PRMT7: variants seen among roughly 807,000 people sequenced by gnomAD.
PRMT7 encodes the protein protein arginine N-methyltransferase 7.
PRMT7 carries 75 observed loss-of-function variants against 85.4 expected under a neutral mutation model. The observed-to-expected ratio is 0.88, with a 90% CI of 0.73 to 1.06. The LOEUF (loss-of-function observed/expected upper bound fraction) is 1.06. Ranked by LOEUF, PRMT7 falls within the 50% of genes least tolerant of loss-of-function variation. The probability of loss-of-function intolerance (pLI) is 0.00; values close to 1 mark genes in which losing one functional copy is unlikely to be tolerated. For synonymous variants in PRMT7, 397 were observed against 359.5 expected (o/e 1.10, Z -1.18); for missense variants, 868 against 915.2 (o/e 0.95, Z 0.67).
intron 6 of PRMT7, among the ~76,000 whole-genome samples, chr16:68,329,876 T>TACACACAC (rs6145876): frequency 0.019 from 2,820 of 148,792 alleles, 75 homozygotes; most frequent in African/African-American, 0.063. Context: ...TATGTATATG[T>TACACACAC]ACACACACAC....
At chr16:68,322,016 C>T (rs1013134056) in intron 4 of PRMT7, among the ~76,000 whole-genome samples, 7 of 151,484 alleles carry the variant, frequency 4.6e-5, no homozygotes, top group Admixed American at 3.9e-4. Flanking sequence ...GGCGAGATCT[C>T]GGCTCACTGC....
At chr16:68,331,791 T>A (rs778431462) in intron 6 of PRMT7, among the ~76,000 whole-genome samples, 1 of 152,240 alleles carries the variant, frequency 6.6e-6, no homozygotes, top group Non-Finnish European at 1.5e-5. Context: ...TGATATTGTA[T>A]TTTTTAATCT....
chr16:68,322,319 C>T (rs1356328178), intron 4 of PRMT7: 4 of 410,512 alleles, frequency 9.7e-6, no homozygotes, highest in Non-Finnish European at 2.0e-5. Flanking sequence ...CCAACCTCAG[C>T]CTTCCCAGTA....
chr16:68,356,293 G>A (rs1199452901), intron 17 of PRMT7, among the ~76,000 whole-genome samples: 6 of 152,224 alleles, frequency 3.9e-5, no homozygotes. Flanking sequence ...ACCCTCGCCC[G>A]AGGAGTGACT....
At chr16:68,320,661 T>A (rs2082380932) in intron 3 of PRMT7, among the ~76,000 whole-genome samples, 1 of 152,170 alleles carries the variant, frequency 6.6e-6, no homozygotes, top group Admixed American at 6.5e-5. Context: ...CAGAGATTTG[T>A]TTATGACCAG....
chr16:68,350,171 C>T (rs1380201339), intron 14 of PRMT7, among the ~76,000 whole-genome samples: 3 of 152,204 alleles, frequency 2.0e-5, no homozygotes, highest in Non-Finnish European at 4.4e-5. Context: ...CATTCATGTG[C>T]TTATGGACGT....
intron 9 of PRMT7, among the ~76,000 whole-genome samples, chr16:68,343,126 C>T (rs1488939705): frequency 6.6e-6 from 1 of 152,102 alleles, no homozygotes; most frequent in Admixed American, 6.5e-5. Context: ...ATCACTTCAA[C>T]CTGGGAGGTG....
intron 4 of PRMT7, chr16:68,323,998 G>A (rs1048978337): frequency 8.5e-5 from 13 of 152,184 alleles, no homozygotes; most frequent in Admixed American, 3.9e-4. Context: ...AGTTAGAGTC[G>A]GTAAAGGAAA....
intron 4 of PRMT7, among the ~76,000 whole-genome samples, chr16:68,323,308 T>G (rs1157946540): frequency 6.6e-6 from 1 of 150,432 alleles, no homozygotes; most frequent in Non-Finnish European, 1.5e-5. Context: ...AACCTCCACC[T>G]CCCGAGTTCA....
At chr16:68,335,041 C>G (rs1050500556) in intron 6 of PRMT7, among the ~76,000 whole-genome samples, 1 of 152,150 alleles carries the variant, frequency 6.6e-6, no homozygotes, top group Non-Finnish European at 1.5e-5. Context: ...AAGTGATCAG[C>G]CCAGCTTGGC....
At chr16:68,338,303 C>T (rs962372755) in intron 7 of PRMT7, among the ~76,000 whole-genome samples, 1 of 151,870 alleles carries the variant, frequency 6.6e-6, no homozygotes, top group Non-Finnish European at 1.5e-5. Flanking sequence ...GTAGAGATAT[C>T]GATGCTAGGG....
intron 3 of PRMT7, 144 bp from the exon 4 acceptor site, chr16:68,321,280 AAT>A: frequency 1.7e-6 from 1 of 598,544 alleles, no homozygotes; most frequent in South Asian, 3.0e-5. Context: ...AAAAAAAAAA[AAT>A]AAATAAAGAT....
At chr16:68,350,556 G>T (rs1008833647) in intron 14 of PRMT7, among the ~76,000 whole-genome samples, 2 of 152,104 alleles carry the variant, frequency 1.3e-5, no homozygotes, top group African/African-American at 2.4e-5. Flanking sequence ...CTTGCTTGGT[G>T]AAATGTCTAT....
chr16:68,348,894 C>G (rs1359349823), intron 14 of PRMT7, among the ~76,000 whole-genome samples: 1 of 152,082 alleles, frequency 6.6e-6, no homozygotes, highest in Non-Finnish European at 1.5e-5. Context: ...CAGTCTCAGC[C>G]TCCCAAAGTG....
intron 14 of PRMT7, among the ~76,000 whole-genome samples, chr16:68,350,255 T>C (rs1043694257): frequency 2.0e-5 from 3 of 152,206 alleles, no homozygotes; most frequent in Non-Finnish European, 4.4e-5. Context: ...TTAGAGAGGA[T>C]GTATGTCCTC....
At chr16:68,355,340 C>T (rs13332798) in intron 16 of PRMT7, 4,918 of 165,960 alleles carry the variant, frequency 0.03, 251 homozygotes, top group African/African-American at 0.11. Context: ...GGCACCGGGG[C>T]TGTACTGTCA....
intron 4 of PRMT7, among the ~76,000 whole-genome samples, chr16:68,323,221 C>CTT (rs201213218): frequency 0.054 from 7,667 of 142,808 alleles, 525 homozygotes; most frequent in African/African-American, 0.16. Context: ...TTCTTTCTTT[C>CTT]TTTTTTTTTT....
chr16:68,346,053 T>C, intron 10 of PRMT7, 92 bp from the exon 11 acceptor site: 3 of 1,574,366 alleles, frequency 1.9e-6, no homozygotes, highest in Non-Finnish European at 8.6e-7. Context: ...TAAGCCCTCA[T>C]GCCTACTGGA....
At chr16:68,328,153 G>A (rs755469142) in intron 5 of PRMT7, 4 of 303,482 alleles carry the variant, frequency 1.3e-5, no homozygotes, top group East Asian at 1.2e-4. Context: ...AATCCTCCAC[G>A]CTGACTTCTG....
Sources: allele counts gnomAD v4.1 joint callset (sites outside exome capture counted in the v4.1 genomes callset), GRCh38; gene constraint gnomAD v4.1.1; transcripts MANE v1.5; gene names NCBI Gene and HGNC (gene_info 2026-07-23, HGNC 2026-07-21).